OSBPL10: variants seen among roughly 807,000 people sequenced by gnomAD.
OSBPL10 encodes the protein oxysterol-binding protein-related protein 10.
OSBPL10 carries 49 observed loss-of-function variants against 81.7 expected under a neutral mutation model. The ratio of observed to expected loss-of-function variants is 0.60; its 90% CI spans 0.48 to 0.76. The LOEUF (loss-of-function observed/expected upper bound fraction) is 0.76, where lower values mean the gene tolerates loss of function less well. OSBPL10 is among the 30% of genes least tolerant of loss of function. OSBPL10 has a pLI of 0.00. For synonymous variants in OSBPL10, 419 were observed against 383.6 expected (o/e 1.09, Z -1.08); for missense variants, 923 against 987.8 (o/e 0.93, Z 0.88).
At position 31,733,242 on chromosome 3, in the gene OSBPL10, G is replaced by C. The variant is rs1697031236; in HGVS notation, c.1095+15C>G. On this transcript the variant is annotated intron_variant, in intron 6 of 11. Transcript: ENST00000396556. ...AACACAAGCCATGAATGCACTGAGA[G>C]GACTGCACGCTTACCTCTGGCTCTG... The C allele has an allele frequency of 6.2e-7, 1 of 1,611,372 alleles. No homozygotes were observed. Among genetic ancestry groups the C allele is most frequent in the African/African-American group, 1.3e-5 (1 of 74,782 alleles).
chr3:31,718,116 T>C (rs1696511254), intron 6 of OSBPL10: 1 of 151,940 alleles, frequency 6.6e-6, no homozygotes, highest in African/African-American at 2.4e-5. Context: ...AGAATTTCCA[T>C]TTCTTCTTCT....
rs371656729 is a variant in OSBPL10 at position 31,824,275 on chromosome 3, T to A, written c.729+5765A>T. On this transcript the variant is annotated intron_variant, in intron 4 of 11. Coordinates refer to ENST00000396556, the MANE Select transcript of OSBPL10 (RefSeq NM_017784.5). ...GATAAATGGATGCAGGAAGAGCTCATGGGATCACCTTGACAGTTGCTGTAG... is the reference window on the plus strand; with the variant it reads ...GATAAATGGATGCAGGAAGAGCTCAAGGGATCACCTTGACAGTTGCTGTAG... Among the ~76,000 whole-genome samples, 40 of 152,250 alleles carry A rather than the reference T, an allele frequency of 2.6e-4. No individual in the cohort carries two copies. In the East Asian group the frequency reaches 6.2e-3, roughly 24 times the overall value.
At chr3:31,925,361 C>G (rs1697041989) in intron 1 of OSBPL10, among the ~76,000 whole-genome samples, 1 of 152,130 alleles carries the variant, frequency 6.6e-6, no homozygotes, top group Admixed American at 6.6e-5. Flanking sequence ...ACATCCCTTC[C>G]CACTCCCTAA....
intron 5 of OSBPL10, among the ~76,000 whole-genome samples, chr3:31,734,991 C>G (rs981531182): frequency 6.6e-6 from 1 of 152,262 alleles, no homozygotes; most frequent in African/African-American, 2.4e-5. Flanking sequence ...CCAGGGGAAT[C>G]TGGTTGTCAG....
chr3:31,948,388 A>C (rs1697763366), intron 1 of OSBPL10, among the ~76,000 whole-genome samples: 2 of 152,128 alleles, frequency 1.3e-5, no homozygotes, highest in African/African-American at 4.8e-5. Flanking sequence ...TTGAGCATGG[A>C]GTATAATTTT....
intron 4 of OSBPL10, among the ~76,000 whole-genome samples, chr3:31,783,110 A>ATTTTTT (rs1332863788): frequency 1.0e-5 from 1 of 97,424 alleles, no homozygotes; most frequent in Non-Finnish European, 1.9e-5. Flanking sequence ...CAATATATCT[A>ATTTTTT]TTATATATAT....
At chr3:32,010,133 G>T (rs78164921) in intron 2 of OSBPL10, among the ~76,000 whole-genome samples, 3 of 149,046 alleles carry the variant, frequency 2.0e-5, no homozygotes, top group Non-Finnish European at 3.0e-5. Context: ...ACCTCAGGAG[G>T]CTGCCCATTT....
intron 11 of OSBPL10, chr3:31,663,341 C>T (rs1243654504): frequency 3.0e-6 from 3 of 985,490 alleles, no homozygotes; most frequent in Non-Finnish European, 3.6e-6. Context: ...CTGCCCCAGC[C>T]CTCACCGGCC....
upstream of OSBPL10, chr3:31,982,018 T>C (rs1698860181): frequency 6.6e-6 from 1 of 152,254 alleles, no homozygotes; most frequent in African/African-American, 2.4e-5. Context: ...TTCCTTAAAT[T>C]GAGTGTCCTA....
At chr3:32,012,932 G>T (rs1699274655) in intron 2 of OSBPL10, among the ~76,000 whole-genome samples, 2 of 152,172 alleles carry the variant, frequency 1.3e-5, no homozygotes, top group South Asian at 4.1e-4. Context: ...GGAGCACCCA[G>T]ATTCATAAAG....
At chr3:32,024,149 A>G (rs1274514288) in intron 2 of OSBPL10, among the ~76,000 whole-genome samples, 2 of 152,182 alleles carry the variant, frequency 1.3e-5, no homozygotes, top group African/African-American at 4.8e-5. Flanking sequence ...TAAGTTCTCC[A>G]GTGTCATTCT....
intron 2 of OSBPL10, among the ~76,000 whole-genome samples, chr3:32,041,810 A>C (rs1699578793): frequency 6.6e-6 from 1 of 152,078 alleles, no homozygotes; most frequent in Non-Finnish European, 1.5e-5. Flanking sequence ...GGCATGTGCC[A>C]CCACACCCAG....
rs527764918 is a variant in OSBPL10, at chr3:31,992,145, C to CAAAA, written n.298+54342_298+54345dup. Among the ~76,000 whole-genome samples the CAAAA allele has an allele frequency of 5.0e-3, 328 of 65,560 alleles. 2 individuals carry two copies. Among genetic ancestry groups the CAAAA allele is most frequent in the African/African-American group, 0.015 (309 of 21,120 alleles). 43.0% of individuals were successfully genotyped at this position (65,560 alleles called of 152,430 possible). A position where few individuals can be genotyped will look rare whatever the true frequency, so the allele number is the denominator to read the frequency against. The stretch of plus-strand genomic sequence containing the variant: ...TAGGCAACAGAGCGAGACTCCATCT[C>CAAAA]AAAAAAAAAAAAAAAAAGATATGTC... On this transcript the variant is annotated intron_variant and non_coding_transcript_variant, in intron 2 of 3. Coordinates refer to the OSBPL10 transcript ENST00000479173.
At chr3:31,949,512 C>CA (rs1375467547) in intron 1 of OSBPL10, among the ~76,000 whole-genome samples, 1 of 151,198 alleles carries the variant, frequency 6.6e-6, no homozygotes, top group East Asian at 1.9e-4. Context: ...ACTAAAAATA[C>CA]AAAAAATTAG....
At chr3:31,773,000 C>T (rs1392070769) in intron 4 of OSBPL10, among the ~76,000 whole-genome samples, 1 of 138,086 alleles carries the variant, frequency 7.2e-6, no homozygotes, top group African/African-American at 2.6e-5. Context: ...CGTGACCAAA[C>T]TTTTTTTTTT....
chr3:32,050,880 G>A (rs867180478), intron 1 of OSBPL10, among the ~76,000 whole-genome samples: 4 of 151,974 alleles, frequency 2.6e-5, no homozygotes, highest in South Asian at 2.1e-4. Context: ...AGCTGGGCTC[G>A]AACTCCCAAC....
intron 2 of OSBPL10, among the ~76,000 whole-genome samples, chr3:32,042,520 G>A (rs1699588330): frequency 6.6e-6 from 1 of 152,136 alleles, no homozygotes; most frequent in African/African-American, 2.4e-5. Context: ...TCTGACTTGT[G>A]TAAGATTTAG....
intron 4 of OSBPL10, among the ~76,000 whole-genome samples, chr3:31,777,122 A>AC (rs1235790932): frequency 6.6e-6 from 1 of 152,230 alleles, no homozygotes; most frequent in Non-Finnish European, 1.5e-5. Flanking sequence ...CTAAACACAT[A>AC]AAGCCTTCTG....
At chr3:31,677,301 C>G (rs73826851) in intron 8 of OSBPL10, among the ~76,000 whole-genome samples, 2,140 of 152,254 alleles carry the variant, frequency 0.014, 56 homozygotes, top group African/African-American at 0.048. Context: ...TCCTGCATTA[C>G]AGCGGACACA....
Sources: gnomAD v4.1 joint callset for allele counts (sites outside exome capture counted in the v4.1 genomes callset) on GRCh38, gnomAD v4.1.1 for gene constraint, MANE v1.5 for transcripts, NCBI Gene and HGNC (gene_info 2026-07-23, HGNC 2026-07-21) for gene names.